AGBL4: variants seen among roughly 807,000 people sequenced by gnomAD.
The protein encoded by AGBL4 is AGBL carboxypeptidase 4, also known as cytosolic carboxypeptidase 6.
A neutral mutation model predicts 66.4 loss-of-function variants in AGBL4; 58 were observed. The ratio of observed to expected loss-of-function variants is 0.87; its 90% CI spans 0.71 to 1.09. The LOEUF is 1.09. AGBL4 is among the 50% of genes least tolerant of loss of function. The probability of loss-of-function intolerance (pLI) is 0.00; values close to 1 mark genes in which losing one functional copy is unlikely to be tolerated. For missense variants in AGBL4, 579 were observed against 631.0 expected (o/e 0.92, Z 0.88); for synonymous variants, 234 against 222.9 (o/e 1.05, Z -0.44).
At chr1:49,106,419 T>C (rs1645293865) in intron 4 of AGBL4, among the ~76,000 whole-genome samples, 1 of 151,966 alleles carries the variant, frequency 6.6e-6, no homozygotes, top group Non-Finnish European at 1.5e-5. Context: ...GGTGTTATCA[T>C]ATGTTTGTCC....
chr1:49,884,329 T>C (rs889348099), intron 1 of AGBL4, among the ~76,000 whole-genome samples: 4 of 151,960 alleles, frequency 2.6e-5, no homozygotes, highest in Admixed American at 2.0e-4. Context: ...GTAAATTACT[T>C]AGAACATAGT....
chr1:48,899,019 G>A (rs1021468829), intron 5 of AGBL4, among the ~76,000 whole-genome samples: 2 of 152,226 alleles, frequency 1.3e-5, no homozygotes, highest in Non-Finnish European at 2.9e-5. Context: ...TCCTCCAGAG[G>A]GCGGGAACCT....
At chr1:49,911,385 G>C (rs530668709) in intron 1 of AGBL4, among the ~76,000 whole-genome samples, 5 of 152,312 alleles carry the variant, frequency 3.3e-5, no homozygotes, top group African/African-American at 9.6e-5. Flanking sequence ...GGAATAAACG[G>C]CAGGCAAGTT....
At chr1:49,081,820 A>C (rs1644813848) in intron 4 of AGBL4, among the ~76,000 whole-genome samples, 1 of 152,354 alleles carries the variant, frequency 6.6e-6, no homozygotes, top group South Asian at 2.1e-4. Context: ...TTGCACTCTA[A>C]GACCCAAGAC....
At chr1:48,658,798 C>G (rs1349002909) in intron 7 of AGBL4, among the ~76,000 whole-genome samples, 1 of 152,000 alleles carries the variant, frequency 6.6e-6, no homozygotes, top group Non-Finnish European at 1.5e-5. Context: ...TGTGCTTGGT[C>G]CCGGTGCCTG....
chr1:49,730,655 T>G (rs563306326), intron 2 of AGBL4, among the ~76,000 whole-genome samples: 3 of 152,232 alleles, frequency 2.0e-5, no homozygotes, highest in African/African-American at 7.2e-5. Flanking sequence ...TGGAAGCCAG[T>G]TGCAGCATGC....
At chr1:49,132,197 T>A (rs1355799638) in intron 4 of AGBL4, among the ~76,000 whole-genome samples, 1 of 151,994 alleles carries the variant, frequency 6.6e-6, no homozygotes, top group East Asian at 1.9e-4. Context: ...CACGATCAAA[T>A]TCCTGAAAAA....
chr1:49,203,088 C>CAAAAAAAAAAAAA (rs139732827), intron 4 of AGBL4, among the ~76,000 whole-genome samples: 1 of 135,902 alleles, frequency 7.4e-6, no homozygotes, highest in Non-Finnish European at 1.6e-5. Context: ...TGGCTACTAT[C>CAAAAAAAAAAAAA]AAAAAAAAAA....
At chr1:49,294,389 G>A (rs1385035986) in intron 3 of AGBL4, among the ~76,000 whole-genome samples, 1 of 152,132 alleles carries the variant, frequency 6.6e-6, no homozygotes, top group Non-Finnish European at 1.5e-5. Context: ...ATAAACTGAG[G>A]TCATTCTCTT....
intron 11 of AGBL4, among the ~76,000 whole-genome samples, chr1:48,561,485 C>T (rs976110767): frequency 1.3e-5 from 2 of 152,194 alleles, no homozygotes; most frequent in Non-Finnish European, 2.9e-5. Context: ...CCAATTAACC[C>T]ATGTGATGGT....
In AGBL4 at chr1:48,564,797, T is replaced by C. The variant is rs183562236; in HGVS notation, c.1267+22207A>G. Among the ~76,000 whole-genome samples, 19 of 152,192 alleles carry C rather than the reference T, an allele frequency of 1.2e-4. No homozygotes were observed. In the East Asian group the frequency reaches 3.1e-3, roughly 25 times the overall value. On this transcript the variant is annotated intron_variant, in intron 11 of 13. Transcript: ENST00000371839. ...AACCAACTCACCAGACAACAAAACATTTTCCTTGCCATACCCACCATCTAC... is the reference window on the plus strand; with the variant it reads ...AACCAACTCACCAGACAACAAAACACTTTCCTTGCCATACCCACCATCTAC...
intron 5 of AGBL4, among the ~76,000 whole-genome samples, chr1:48,935,759 A>G (rs1022455293): frequency 6.6e-6 from 1 of 150,740 alleles, no homozygotes; most frequent in Non-Finnish European, 1.5e-5. Context: ...GGAGTTTGAG[A>G]CCAGCCTGGC....
intron 3 of AGBL4, among the ~76,000 whole-genome samples, chr1:49,344,575 T>C (rs1645603201): frequency 2.6e-5 from 4 of 152,310 alleles, no homozygotes; most frequent in African/African-American, 9.6e-5. Flanking sequence ...TTATTCAGTT[T>C]TTCCATAAAT....
At chr1:49,818,942 G>C (rs963413509) in intron 2 of AGBL4, among the ~76,000 whole-genome samples, 1 of 152,184 alleles carries the variant, frequency 6.6e-6, no homozygotes, top group South Asian at 2.1e-4. Flanking sequence ...AGTGGAAAGA[G>C]TCCAGGCCTT....
intron 5 of AGBL4, among the ~76,000 whole-genome samples, chr1:48,897,184 T>C (rs1029443454): frequency 2.0e-5 from 3 of 152,112 alleles, no homozygotes; most frequent in African/African-American, 7.2e-5. Context: ...ATGTACTCTG[T>C]GTCATCATGA....
At chr1:49,877,133 A>G (rs1647036382) in intron 1 of AGBL4, among the ~76,000 whole-genome samples, 2 of 151,394 alleles carry the variant, frequency 1.3e-5, no homozygotes, top group Non-Finnish European at 2.9e-5. Flanking sequence ...CTCTTTTCCT[A>G]ATTGAATACC....
chr1:48,990,516 T>C (rs193261944), intron 5 of AGBL4, among the ~76,000 whole-genome samples: 1 of 152,294 alleles, frequency 6.6e-6, no homozygotes, highest in Admixed American at 6.5e-5. Flanking sequence ...TTTCATAGTT[T>C]GGGGTCTTAG....
intron 1 of AGBL4, among the ~76,000 whole-genome samples, chr1:49,890,311 T>C (rs1648511796): frequency 6.6e-6 from 1 of 152,216 alleles, no homozygotes. Flanking sequence ...CAATAAATAA[T>C]TGAGTGCCAA....
chr1:48,693,837 A>C (rs1646672560), intron 6 of AGBL4, among the ~76,000 whole-genome samples: 1 of 152,066 alleles, frequency 6.6e-6, no homozygotes, highest in South Asian at 2.1e-4. Flanking sequence ...GGAAAGTGGG[A>C]GGCAGCCTGG....
Sources: gnomAD v4.1 joint callset for allele counts (sites outside exome capture counted in the v4.1 genomes callset) on GRCh38, gnomAD v4.1.1 for gene constraint, MANE v1.5 for transcripts, NCBI Gene and HGNC (gene_info 2026-07-23, HGNC 2026-07-21) for gene names.